Variants in DNA2 observed in about 807,000 individuals in gnomAD.
DNA2 encodes DNA replication ATP-dependent helicase/nuclease DNA2.
A neutral mutation model predicts 119.1 loss-of-function variants in DNA2; 101 were observed. That is an observed-to-expected ratio of 0.85 (90% CI 0.72 to 1.00). The LOEUF (loss-of-function observed/expected upper bound fraction) is 1.00, where lower values mean the gene tolerates loss of function less well. DNA2 is among the 50% of genes least tolerant of loss of function. The pLI is 0.00. For missense variants in DNA2, 1,121 were observed against 1,255.5 expected (o/e 0.89, Z 1.62); for synonymous variants, 366 against 424.4 (o/e 0.86, Z 1.69).
intron 6 of DNA2, among the ~76,000 whole-genome samples, chr10:68,447,040 G>A (rs1014095250): frequency 5.3e-5 from 8 of 152,052 alleles, no homozygotes; most frequent in African/African-American, 1.7e-4. Flanking sequence ...AATGTTTGAG[G>A]GGATGGATAC....
rs2051897619 is a variant in DNA2 at position 68,437,030 on chromosome 10, C to T, written c.1627G>A (p.Val543Ile). 6.2e-7 allele frequency: 1 copy of T among 1,609,764 alleles called. No individual in the cohort carries two copies. Among genetic ancestry groups the T allele is most frequent in the Non-Finnish European group, 8.5e-7 (1 of 1,178,298 alleles). ...GYVKEINMTTVTCLLDRNLSV... is the reference protein window; with the variant it reads ...GYVKEINMTTITCLLDRNLSV... The stretch of plus-strand genomic sequence containing the variant: ...CATTACCTGTCTAATAAACAAGTTA[C>T]TGTTGTCATGTTAATCTCCTTCACA... The change falls in exon 10 of 21, where the codon GTA becomes ATA. Residue 543 changes from valine (V) to isoleucine (I), a missense_variant. Physicochemically the swap from Val to Ile is conservative, Grantham distance 29. Transcript: ENST00000358410.
chr10:68,468,268 A>G lies in DNA2; in HGVS notation c.296T>C (p.Leu99Ser), dbSNP rs769061282. 2 of 1,609,184 alleles carry G rather than the reference A, an allele frequency of 1.2e-6. No individual in the cohort carries two copies. Among genetic ancestry groups the G allele is most frequent in the South Asian group, 2.2e-5 (2 of 89,404 alleles). Residue 99 changes from leucine (L) to serine (S), a missense_variant, in exon 3 of 21, where the codon TTG (leucine) becomes TCG (serine). Physicochemically the swap from Leu to Ser is moderately radical, Grantham distance 145 (BLOSUM62 -2). Transcript: ENST00000358410. ...AGTGTCAGATGTGCAGTCTCCCTCC[A>G]AATGAATGATATCTCCTGGCTCTAC... ...VPVEPGDIIH[L>S]EGDCTSDTWI...
intron 6 of DNA2, among the ~76,000 whole-genome samples, chr10:68,448,134 T>C (rs1435569208): frequency 5.3e-5 from 8 of 152,158 alleles, no homozygotes; most frequent in Non-Finnish European, 1.2e-4. Context: ...AAACTATGAT[T>C]TACATTTTGA....
intron 10 of DNA2, among the ~76,000 whole-genome samples, chr10:68,435,008 G>C (rs370292831): frequency 1.3e-5 from 2 of 152,250 alleles, no homozygotes; most frequent in African/African-American, 4.8e-5. Context: ...AAAGAGGAGG[G>C]AATATGGATT....
At chr10:68,461,409 C>G (rs528307919) in intron 4 of DNA2, 16 of 152,262 alleles carry the variant, frequency 1.1e-4, no homozygotes, top group African/African-American at 3.8e-4. Flanking sequence ...GAGGCTTGGT[C>G]TACACCCATA....
In DNA2 at chr10:68,471,916, G is replaced by T. The variant is rs747254662; in HGVS notation, c.-52C>A. On this transcript the variant is annotated 5_prime_UTR_variant, in exon 1 of 21. Transcript: ENST00000358410. ...GACAGAAAAGACAGCGGAACCGGGG[G>T]TAACACAGAAAGCTTAGAAAAGGGA... 2.5e-6 allele frequency: 4 copies of T among 1,613,810 alleles called. No individual in the cohort carries two copies. Among genetic ancestry groups the T allele is most frequent in the Non-Finnish European group, 3.4e-6 (4 of 1,179,716 alleles).
At chr10:68,458,551 A>G (rs2052215315) in intron 5 of DNA2, among the ~76,000 whole-genome samples, 3 of 151,964 alleles carry the variant, frequency 2.0e-5, no homozygotes, top group African/African-American at 7.2e-5. Flanking sequence ...AAAAAAAAAA[A>G]AAAGAAGAAG....
intron 6 of DNA2, among the ~76,000 whole-genome samples, chr10:68,448,997 C>CTCTA (rs1406666112): frequency 7.3e-6 from 1 of 137,756 alleles, no homozygotes; most frequent in Non-Finnish European, 1.5e-5. Context: ...AGTAGTTTCA[C>CTCTA]CATGTTGGCC....
chr10:68,415,137 C>A, intron 20 of DNA2, 30 bp from the exon 21 acceptor site: 2 of 1,368,398 alleles, frequency 1.5e-6, no homozygotes, highest in Non-Finnish European at 2.0e-6. Context: ...AAATATTTAG[C>A]ACAATATGGA....
chr10:68,460,611 T>C (rs909652865), intron 4 of DNA2, among the ~76,000 whole-genome samples: 2 of 152,216 alleles, frequency 1.3e-5, no homozygotes, highest in African/African-American at 4.8e-5. Context: ...TTTCACCATG[T>C]TGGCCAGCCT....
chr10:68,472,231 AC>A (rs1212373832), upstream of DNA2: 11 of 1,201,172 alleles, frequency 9.2e-6, no homozygotes, highest in Admixed American at 3.9e-4. Context: ...AGTAGCTGGG[AC>A]TACAGGCGCC....
intron 1 of DNA2, among the ~76,000 whole-genome samples, chr10:68,471,143 C>A (rs192722106): frequency 1.7e-4 from 26 of 152,308 alleles, no homozygotes; most frequent in Admixed American, 4.6e-4. Flanking sequence ...AGTGATAACA[C>A]CAAACGCCTT....
chr10:68,468,317 A>G lies in DNA2; in HGVS notation c.258-11T>C. On this transcript the variant is annotated splice_polypyrimidine_tract_variant and intron_variant, in intron 2 of 20. Coordinates refer to ENST00000358410, the MANE Select transcript of DNA2 (RefSeq NM_001080449.3). ...ACTGGAACAGAACACCTGAAAATAA[A>G]GCAAAGTTAAAGTATAAATACATAG... 1.3e-6 allele frequency: 2 copies of G among 1,523,842 alleles called. No individual in the cohort carries two copies. The highest frequency in any genetic ancestry group is 1.8e-6 in the Non-Finnish European group (2 of 1,135,716). The allele number at this position is 1,523,842 out of a possible 1,614,324, so 94.4% of individuals were successfully genotyped here.
chr10:68,445,852 T>A (rs1452238517), intron 7 of DNA2, among the ~76,000 whole-genome samples: 3 of 152,202 alleles, frequency 2.0e-5, no homozygotes, highest in African/African-American at 7.2e-5. Flanking sequence ...ATTGGCCAGG[T>A]ACAGTGGCTC....
intron 6 of DNA2, among the ~76,000 whole-genome samples, chr10:68,448,743 G>A (rs2052073965): frequency 1.3e-5 from 2 of 151,936 alleles, no homozygotes; most frequent in South Asian, 4.2e-4. Flanking sequence ...AAAAGATCTT[G>A]GAATCCAGAT....
chr10:68,457,103 C>T (rs569022572), intron 5 of DNA2, among the ~76,000 whole-genome samples: 88 of 150,100 alleles, frequency 5.9e-4, no homozygotes, highest in Non-Finnish European at 1.1e-3. Context: ...CACTGCACTC[C>T]AGCCTGGGCA....
At chr10:68,423,750 C>A (rs2051697077) in intron 14 of DNA2, among the ~76,000 whole-genome samples, 1 of 152,172 alleles carries the variant, frequency 6.6e-6, no homozygotes, top group Admixed American at 6.5e-5. Flanking sequence ...TTAGTAGAGA[C>A]CACATCAGAA....
intron 9 of DNA2, among the ~76,000 whole-genome samples, chr10:68,439,527 C>A (rs1255535405): frequency 6.6e-6 from 1 of 151,730 alleles, no homozygotes; most frequent in East Asian, 2.0e-4. Flanking sequence ...CACGGTGAAA[C>A]CCCGTTTCTA....
intron 9 of DNA2, among the ~76,000 whole-genome samples, chr10:68,441,386 CT>C (rs2051966618): frequency 1.3e-5 from 2 of 148,424 alleles, no homozygotes; most frequent in Non-Finnish European, 3.0e-5. Flanking sequence ...GTACATATTA[CT>C]ATTATTTTTT....
Sources: allele counts gnomAD v4.1 joint callset (sites outside exome capture counted in the v4.1 genomes callset), GRCh38; gene constraint gnomAD v4.1.1; transcripts MANE v1.5; gene names NCBI Gene and HGNC (gene_info 2026-07-23, HGNC 2026-07-21).